Variants in TMEM178B observed in about 807,000 individuals in gnomAD.
TMEM178B encodes the protein transmembrane protein 178B.
In TMEM178B, 5 loss-of-function variants were observed where a neutral mutation model predicts 31.0. The ratio of observed to expected loss-of-function variants is 0.16; its 90% CI spans 0.08 to 0.34. TMEM178B has a LOEUF of 0.34. Among genes scored for constraint, TMEM178B ranks in the 10% least tolerant of loss-of-function variants. The pLI, the probability that TMEM178B is intolerant of heterozygous loss-of-function variation, is 1.00. For missense variants in TMEM178B, 275 were observed against 400.3 expected (o/e 0.69, Z 2.67); for synonymous variants, 164 against 164.0 (o/e 1.00, Z 0.00).
intron 2 of TMEM178B, among the ~76,000 whole-genome samples, chr7:141,270,645 A>C (rs1798166990): frequency 6.6e-6 from 1 of 152,234 alleles, no homozygotes; most frequent in African/African-American, 2.4e-5. Context: ...AAAACACTAT[A>C]GGATTCGAGT....
At chr7:141,492,818 G>T in the TMEM178B span, among the ~76,000 whole-genome samples, 2 of 152,088 alleles carry the variant, frequency 1.3e-5, no homozygotes, top group African/African-American at 2.4e-5. Context: ...AGTGAGAGGT[G>T]GCCCATTCAA....
chr7:141,496,208 A>G, the TMEM178B span, among the ~76,000 whole-genome samples: 327 of 152,132 alleles, frequency 2.1e-3, no homozygotes, highest in African/African-American at 7.0e-3. Flanking sequence ...TTTTCCCCTT[A>G]TAGTTGGGAC....
intron 2 of TMEM178B, among the ~76,000 whole-genome samples, chr7:141,366,556 G>T (rs1374704350): frequency 6.6e-6 from 1 of 152,128 alleles, no homozygotes; most frequent in African/African-American, 2.4e-5. Context: ...GGGCTTCTTT[G>T]CATTCTTGGC....
chr7:141,253,607 A>C (rs2116344590), intron 2 of TMEM178B, among the ~76,000 whole-genome samples: 1 of 143,932 alleles, frequency 6.9e-6, no homozygotes, highest in Non-Finnish European at 1.5e-5. Flanking sequence ...CTGGACTGCA[A>C]TAGCAGGATC....
At chr7:141,193,433 C>T (rs900606800) in intron 1 of TMEM178B, among the ~76,000 whole-genome samples, 4 of 152,238 alleles carry the variant, frequency 2.6e-5, no homozygotes, top group Admixed American at 1.3e-4. Context: ...TTGGGCAGCC[C>T]TTCCAGGGTC....
rs192454358 is a variant in TMEM178B, at chr7:141,401,037, G to A, written c.497-36571G>A. On this transcript the variant is annotated intron_variant, in intron 2 of 3. Transcript: ENST00000565468. ...GGGGCAATAAAAGTGTGGGCCAGTG[G>A]TCATTAAAGGTCCAAGTCTCCAGTG... Among the ~76,000 whole-genome samples, 20 of 152,302 alleles carry A rather than the reference G, an allele frequency of 1.3e-4. No homozygotes were observed. The East Asian group carries it at 3.9e-3, about 29-fold the overall frequency.
chr7:141,326,237 C>A (rs1014123676), intron 2 of TMEM178B, among the ~76,000 whole-genome samples: 5 of 152,082 alleles, frequency 3.3e-5, no homozygotes, highest in African/African-American at 1.2e-4. Context: ...CTTTTTCTTT[C>A]TTTTTTATCT....
chr7:141,332,774 A>C (rs1318283135), intron 2 of TMEM178B, among the ~76,000 whole-genome samples: 1 of 152,250 alleles, frequency 6.6e-6, no homozygotes, highest in African/African-American at 2.4e-5. Flanking sequence ...GAATATGCAA[A>C]ATGTGTCAGG....
chr7:141,097,793 C>CTTTTT (rs552569756), intron 1 of TMEM178B, among the ~76,000 whole-genome samples: 57 of 125,922 alleles, frequency 4.5e-4, no homozygotes, highest in Middle Eastern at 4.0e-3. Context: ...TTCTTTCTTT[C>CTTTTT]TTTTTTTTTT....
chr7:141,145,165 C>T (rs572113999), intron 1 of TMEM178B, among the ~76,000 whole-genome samples: 1 of 152,192 alleles, frequency 6.6e-6, no homozygotes, highest in Non-Finnish European at 1.5e-5. Flanking sequence ...GCCTGGTGGA[C>T]CCTCGGTTGC....
At chr7:141,336,074 C>T (rs564719603) in intron 2 of TMEM178B, among the ~76,000 whole-genome samples, 8 of 152,272 alleles carry the variant, frequency 5.3e-5, no homozygotes, top group African/African-American at 1.9e-4. Context: ...AAAGAGTAAT[C>T]GTCACTTGCC....
intron 2 of TMEM178B, among the ~76,000 whole-genome samples, chr7:141,271,873 A>G (rs1363966410): frequency 6.6e-6 from 1 of 152,206 alleles, no homozygotes; most frequent in Admixed American, 6.5e-5. Flanking sequence ...CAGCTCAGAA[A>G]GGTCAAACTT....
intron 2 of TMEM178B, among the ~76,000 whole-genome samples, chr7:141,393,039 T>C (rs1028568017): frequency 6.6e-6 from 1 of 152,154 alleles, no homozygotes; most frequent in East Asian, 1.9e-4. Flanking sequence ...GTTGCAGCAA[T>C]CTTAGCCTGT....
chr7:141,430,665 G>A (rs736871), intron 2 of TMEM178B, among the ~76,000 whole-genome samples: 44,479 of 151,888 alleles, frequency 0.29, 6,775 homozygotes, highest in South Asian at 0.43. Flanking sequence ...GGTGGTTGCT[G>A]TGCAGTGATT....
chr7:141,349,310 A>T (rs1474155063), intron 2 of TMEM178B, among the ~76,000 whole-genome samples: 1 of 152,210 alleles, frequency 6.6e-6, no homozygotes, highest in Non-Finnish European at 1.5e-5. Context: ...TATGCACATT[A>T]GTCATGGGAG....
intron 3 of TMEM178B, among the ~76,000 whole-genome samples, chr7:141,462,705 C>A (rs150687783): frequency 6.6e-6 from 1 of 151,926 alleles, no homozygotes; most frequent in Admixed American, 6.5e-5. Flanking sequence ...GTGAAGGAGA[C>A]GGAGGAGGCA....
At chr7:141,102,293 T>C (rs1237734667) in intron 1 of TMEM178B, among the ~76,000 whole-genome samples, 2 of 152,232 alleles carry the variant, frequency 1.3e-5, no homozygotes, top group Non-Finnish European at 2.9e-5. Context: ...AGTTTCACTA[T>C]CTAAAACCTT....
intron 1 of TMEM178B, among the ~76,000 whole-genome samples, chr7:141,097,793 C>CTTTTTT (rs552569756): frequency 3.7e-4 from 46 of 125,928 alleles, no homozygotes; most frequent in African/African-American, 1.1e-3. Context: ...TTCTTTCTTT[C>CTTTTTT]TTTTTTTTTT....
intron 2 of TMEM178B, among the ~76,000 whole-genome samples, chr7:141,301,650 TA>T (rs1362673115): frequency 2.0e-5 from 3 of 152,154 alleles, no homozygotes; most frequent in Non-Finnish European, 4.4e-5. Flanking sequence ...CAGTGTTTCG[TA>T]GGTGTGTGTG....
Sources: allele counts gnomAD v4.1 joint callset (sites outside exome capture counted in the v4.1 genomes callset), GRCh38; gene constraint gnomAD v4.1.1; transcripts MANE v1.5; gene names NCBI Gene and HGNC (gene_info 2026-07-23, HGNC 2026-07-21).